Variants in IRF4 observed in about 807,000 individuals in gnomAD.
IRF4 encodes the protein interferon regulatory factor 4, also known as lymphocyte-specific interferon regulatory factor.
In IRF4, 13 loss-of-function variants were observed where a neutral mutation model predicts 55.5. The ratio of observed to expected loss-of-function variants is 0.23; its 90% CI spans 0.15 to 0.37. IRF4 has a LOEUF of 0.37. IRF4 is among the 10% of genes least tolerant of loss of function. The pLI is 1.00. For synonymous variants in IRF4, 249 were observed against 240.7 expected (o/e 1.03, Z -0.32); for missense variants, 397 against 593.8 (o/e 0.67, Z 3.44).
intron 1 of IRF4, 118 bp from the exon 2 acceptor site, chr6:392,980 C>A (rs1761151064): frequency 1.7e-6 from 1 of 590,026 alleles, no homozygotes; most frequent in Non-Finnish European, 2.8e-6. Flanking sequence ...TGACACGGCA[C>A]GCGCGCGCTT....
chr6:396,305 G>C (rs769705682), intron 4 of IRF4, among the ~76,000 whole-genome samples: 24 of 152,210 alleles, frequency 1.6e-4, no homozygotes, highest in Non-Finnish European at 3.4e-4. Context: ...CATCCACTTT[G>C]GTGGGTAAAA....
At position 410,079 on chromosome 6, in the gene IRF4, TGTCTCA is replaced by T. The variant is rs1157792431; in HGVS notation, c.*2483_*2488del. 2 of 226,136 alleles carry T rather than the reference TGTCTCA, an allele frequency of 8.8e-6. No individual in the cohort carries two copies. Among genetic ancestry groups the T allele is most frequent in the Non-Finnish European group, 1.8e-5 (2 of 113,538 alleles). 14.0% of individuals were successfully genotyped at this position (226,136 alleles called of 1,614,324 possible). A position where few individuals can be genotyped will look rare whatever the true frequency, so the allele number is the denominator to read the frequency against. On this transcript the variant is annotated 3_prime_UTR_variant, in exon 9 of 9. Transcript: ENST00000380956. ...ACTCAGGGTTAGGAATCCTAGCACT[TGTCTCA>T]GGACTCTGAAAAGGAACGGCTTCCT...
intron 7 of IRF4, among the ~76,000 whole-genome samples, chr6:403,373 C>T (rs565579493): frequency 6.6e-6 from 1 of 152,362 alleles, no homozygotes; most frequent in African/African-American, 2.4e-5. Context: ...AGACTCTGGA[C>T]CTTGGTGCCA....
chr6:407,408 A>T lies in IRF4; in HGVS notation c.1213-47A>T, dbSNP rs753316821. 5 of 1,556,730 alleles carry T rather than the reference A, an allele frequency of 3.2e-6. No individual in the cohort carries two copies. In the East Asian group the frequency reaches 9.0e-5, roughly 28 times the overall value. On this transcript the variant is annotated intron_variant, in intron 8 of 8. Coordinates refer to ENST00000380956, the MANE Select transcript of IRF4 (RefSeq NM_002460.4). ...TCTGAGTGCTGTTTAATAGTGAGCC[A>T]GTTGCAGGATATCTCAGTAATGTCT...
intron 5 of IRF4, 40 bp from the exon 6 acceptor site, chr6:398,788 C>A (rs374104208): frequency 1.3e-6 from 2 of 1,497,000 alleles, no homozygotes; most frequent in African/African-American, 1.4e-5. Context: ...GCGTCGGACT[C>A]TCTGTCTAGA....
In IRF4 at chr6:394,823, T is replaced by G. The variant is rs1338939630; in HGVS notation, c.219T>G (p.Ala73=). 3.7e-6 allele frequency: 6 copies of G among 1,612,648 alleles called. No homozygotes were observed. Among genetic ancestry groups the G allele is most frequent in the Middle Eastern group, 1.7e-4 (1 of 6,060 alleles). The change falls in exon 3 of 9, where the codon GCT becomes GCG. Residue 73 remains alanine (A), a splice_region_variant and synonymous_variant. Transcript: ENST00000380956. ...TTCTCTTCATTCTTTCCCACCAGGC[T>G]TGGGCACTGTTTAAAGGAAAGTTCC... ...NREEDAALFK[A]WALFKGKFRE...
At position 401,665 on chromosome 6, in the gene IRF4, G is replaced by A. The variant is rs1366031055; in HGVS notation, c.987G>A (p.Leu329=). Reference sequence around the variant, plus strand: ...CCGACGGGCTCTATGCGAAAAGACTGTGCCAGAGCAGGATCTACTGGGACG... The same window carrying A: ...CCGACGGGCTCTATGCGAAAAGACTATGCCAGAGCAGGATCTACTGGGACG... ...MAPDGLYAKR[L]CQSRIYWDGP... The change falls in exon 7 of 9, where the codon CTG becomes CTA. Residue 329 remains leucine, a synonymous_variant. Coordinates refer to ENST00000380956, the MANE Select transcript of IRF4 (RefSeq NM_002460.4). The A allele has an allele frequency of 7.4e-6, 12 of 1,614,244 alleles. No individual in the cohort carries two copies. Among genetic ancestry groups the A allele is most frequent in the Non-Finnish European group, 1.0e-5 (12 of 1,180,050 alleles).
chr6:406,702 G>A (rs1412009682), intron 8 of IRF4: 1 of 856,394 alleles, frequency 1.2e-6, no homozygotes, highest in African/African-American at 1.9e-5. Context: ...TCCATAAAAT[G>A]AATAAACACA....
chr6:410,435 T>C lies in IRF4; in HGVS notation c.*2837T>C, dbSNP rs1208955718. 1 of 229,300 alleles carries C rather than the reference T, an allele frequency of 4.4e-6. No homozygotes were observed. The highest frequency in any genetic ancestry group is 2.2e-5 in the African/African-American group (1 of 45,110). The allele number at this position is 229,300 out of a possible 1,614,324, so 14.2% of individuals were successfully genotyped here. On this transcript the variant is annotated 3_prime_UTR_variant, in exon 9 of 9. Transcript: ENST00000380956. Reference sequence around the variant, plus strand: ...CCTACAGAAAACCCAGCTAGACTATTGGGTATGAACTAAAAAGAGACTGTG... The same window carrying C: ...CCTACAGAAAACCCAGCTAGACTATCGGGTATGAACTAAAAAGAGACTGTG...
chr6:401,377 T>C (rs774119356), intron 6 of IRF4, 47 bp from the exon 7 acceptor site: 1 of 1,443,854 alleles, frequency 6.9e-7, no homozygotes, highest in Non-Finnish European at 9.6e-7. Context: ...GGCCTCGAGG[T>C]GGTGTCCTTG....
Position 401,655 on chromosome 6 carries a change from C to T in IRF4, c.977C>T (p.Ala326Val), listed in dbSNP as rs201105575. Residue 326 changes from alanine (A) to valine (V), a missense_variant, in exon 7 of 9, where the codon GCG becomes GTG. Coordinates refer to ENST00000380956, the MANE Select transcript of IRF4 (RefSeq NM_002460.4). Reference protein sequence around the residue: ...VLWMAPDGLYAKRLCQSRIYW... With the variant: ...VLWMAPDGLYVKRLCQSRIYW... ...TGGATGGCCCCCGACGGGCTCTATG[C>T]GAAAAGACTGTGCCAGAGCAGGATC... The T allele has an allele frequency of 2.8e-5, 45 of 1,614,084 alleles. No individual in the cohort carries two copies. The highest frequency in any genetic ancestry group is 1.7e-4 in the Admixed American group (10 of 60,010).
Position 393,429 on chromosome 6 carries a change from G to T in IRF4, c.216+61G>T. ...GGAGGGCCCAGAGACAGAGCCCGGG[G>T]TCCCCGGCGCCGCCTCCGAGGCGAG... On this transcript the variant is annotated intron_variant, in intron 2 of 8. Coordinates refer to ENST00000380956, the MANE Select transcript of IRF4 (RefSeq NM_002460.4). This position sits in a 1 kb window ranked among gnomAD's most constrained non-coding sequence, Gnocchi z 5.4. The T allele has an allele frequency of 1.7e-6, 2 of 1,161,946 alleles. No homozygotes were observed. The highest frequency in any genetic ancestry group is 1.9e-5 in the South Asian group (1 of 53,028). The allele number at this position is 1,161,946 out of a possible 1,614,324, so 72.0% of individuals were successfully genotyped here.
At chr6:399,945 C>T (rs930123861) in intron 6 of IRF4, among the ~76,000 whole-genome samples, 1 of 152,152 alleles carries the variant, frequency 6.6e-6, no homozygotes, top group African/African-American at 2.4e-5. Context: ...TTGTCTTGAA[C>T]ACCTAAGACT....
chr6:397,787 C>T (rs1761305084), intron 5 of IRF4, among the ~76,000 whole-genome samples: 1 of 152,174 alleles, frequency 6.6e-6, no homozygotes, highest in South Asian at 2.1e-4. Flanking sequence ...CGGGAGTTCC[C>T]CAGACATCAA....
At chr6:391,903 A>C (rs1206459980) in intron 1 of IRF4, 94 bp downstream of exon 1, 1 of 449,138 alleles carries the variant, frequency 2.2e-6, no homozygotes, top group South Asian at 1.6e-5. Context: ...AGGGCAGCGC[A>C]GGGTACCCCG....
chr6:397,391 G>T, intron 5 of IRF4, 139 bp downstream of exon 5: 1 of 1,021,318 alleles, frequency 9.8e-7, no homozygotes. Context: ...CGGGGAGAGG[G>T]GGGTTTTCTC....
intron 2 of IRF4, among the ~76,000 whole-genome samples, chr6:394,413 C>G (rs1761202984): frequency 6.6e-6 from 1 of 152,208 alleles, no homozygotes; most frequent in Non-Finnish European, 1.5e-5. Flanking sequence ...CGGTGTAAAT[C>G]TGAAGGACCT....
Position 393,215 on chromosome 6 carries a change from C to T in IRF4, c.63C>T (p.Asn21=). The change falls in exon 2 of 9, where the codon AAC becomes AAT. Residue 21 remains asparagine, a synonymous_variant. Coordinates refer to ENST00000380956, the MANE Select transcript of IRF4 (RefSeq NM_002460.4). The surrounding 1 kb of genome is among the most constrained non-coding windows in gnomAD (Gnocchi z 5.4). ...EFGMSAVSCG[N]GKLRQWLIDQ... is the part of the protein sequence containing the mutation. ...GCATGAGCGCGGTGAGCTGCGGCAA[C>T]GGGAAGCTCCGCCAGTGGCTGATCG... The T allele has an allele frequency of 6.4e-7, 1 of 1,562,870 alleles. No individual in the cohort carries two copies. The highest frequency in any genetic ancestry group is 8.7e-7 in the Non-Finnish European group (1 of 1,153,444).
intron 5 of IRF4, 53 bp downstream of exon 5, chr6:397,305 TG>T: frequency 6.3e-7 from 1 of 1,596,174 alleles, no homozygotes; most frequent in South Asian, 1.1e-5. Context: ...AATGTGGCCA[TG>T]GGCCATGGCG....
Sources: gnomAD v4.1 joint callset for allele counts (sites outside exome capture counted in the v4.1 genomes callset) on GRCh38, gnomAD v4.1.1 for gene constraint, Gnocchi (gnomAD v3.1) non-coding constraint, MANE v1.5 for transcripts, NCBI Gene and HGNC (gene_info 2026-07-23, HGNC 2026-07-21) for gene names.